The following VEPH1 variants were observed in gnomAD, a reference collection of about 807,000 sequenced individuals.
VEPH1 encodes the protein ventricular zone-expressed PH domain-containing protein homolog 1.
Under a neutral mutation model 85.2 loss-of-function variants are expected in VEPH1, and 80 were observed. The observed-to-expected ratio is 0.94, with a 90% CI of 0.78 to 1.13. The LOEUF (loss-of-function observed/expected upper bound fraction) is 1.13. Ranked by LOEUF, VEPH1 falls within the 50% of genes most tolerant of loss-of-function variation. The pLI is 0.00. For synonymous variants in VEPH1, 297 were observed against 348.0 expected (o/e 0.85, Z 1.63); for missense variants, 955 against 980.5 (o/e 0.97, Z 0.35).
chr3:157,478,993 A>G (rs1737758045), intron 2 of VEPH1, among the ~76,000 whole-genome samples: 1 of 152,188 alleles, frequency 6.6e-6, no homozygotes, highest in South Asian at 2.1e-4. Context: ...ACCTGAATAA[A>G]CAGTTAACTG....
chr3:157,381,582 A>G, intron 6 of VEPH1: 2 of 562,244 alleles, frequency 3.6e-6, no homozygotes, highest in Non-Finnish European at 6.3e-6. Flanking sequence ...AGCCGGGCAC[A>G]GTGGCACATG....
chr3:157,454,667 A>G (rs1735222249), intron 4 of VEPH1, among the ~76,000 whole-genome samples: 1 of 152,100 alleles, frequency 6.6e-6, no homozygotes, highest in Non-Finnish European at 1.5e-5. Flanking sequence ...GCTATATTGC[A>G]TGATGCTGAG....
Position 157,304,014 on chromosome 3 carries a change from T to A in VEPH1, c.2010+9607A>T, listed in dbSNP as rs374740407. 1.2e-3 allele frequency among the ~76,000 whole-genome samples: 140 copies of A among 116,516 alleles called. 1 individual carries two copies. Among genetic ancestry groups the A allele is most frequent in the South Asian group, 3.4e-3 (11 of 3,204 alleles). The allele number at this position is 116,516 out of a possible 152,430, so 76.4% of individuals were successfully genotyped here. On this transcript the variant is annotated intron_variant, in intron 11 of 13. Coordinates refer to ENST00000362010, the MANE Select transcript of VEPH1 (RefSeq NM_001167912.2). Reference sequence around the variant, plus strand: ...CACATGTAGACTTAAATTTCTCATCTTATATTTTTTATATATATATATATA... The same window carrying A: ...CACATGTAGACTTAAATTTCTCATCATATATTTTTTATATATATATATATA...
At chr3:157,438,301 C>A (rs1733835298) in intron 4 of VEPH1, among the ~76,000 whole-genome samples, 1 of 152,084 alleles carries the variant, frequency 6.6e-6, no homozygotes, top group African/African-American at 2.4e-5. Flanking sequence ...CAGCTTCCCT[C>A]CGTTAGGGAT....
chr3:157,302,401 C>T (rs1256205953), intron 11 of VEPH1, among the ~76,000 whole-genome samples: 1 of 152,180 alleles, frequency 6.6e-6, no homozygotes, highest in East Asian at 1.9e-4. Context: ...AATCCTATCC[C>T]CCAAGGTGAT....
chr3:157,487,939 A>G (rs1380583061), intron 2 of VEPH1, among the ~76,000 whole-genome samples: 2 of 152,158 alleles, frequency 1.3e-5, no homozygotes, highest in Non-Finnish European at 2.9e-5. Context: ...TTATGCTTAC[A>G]CTGAAAAGTC....
chr3:157,278,589 G>A (rs137886993), intron 12 of VEPH1, among the ~76,000 whole-genome samples: 5 of 152,338 alleles, frequency 3.3e-5, no homozygotes, highest in Admixed American at 6.5e-5. Flanking sequence ...TGGCTGCATC[G>A]TGGGAGGGAG....
At chr3:157,470,151 C>T (rs1736782948) in intron 3 of VEPH1, among the ~76,000 whole-genome samples, 163 bp downstream of exon 3, 1 of 152,188 alleles carries the variant, frequency 6.6e-6, no homozygotes, top group South Asian at 2.1e-4. Flanking sequence ...ACAGAACTTT[C>T]TCAGTTTATT....
chr3:157,397,692 G>A (rs1230996134), intron 6 of VEPH1, among the ~76,000 whole-genome samples: 1 of 152,084 alleles, frequency 6.6e-6, no homozygotes, highest in Non-Finnish European at 1.5e-5. Flanking sequence ...ATTGTGAATG[G>A]GACTTCATTC....
chr3:157,481,836 T>C (rs1738125362), intron 2 of VEPH1, among the ~76,000 whole-genome samples: 1 of 152,270 alleles, frequency 6.6e-6, no homozygotes, highest in South Asian at 2.1e-4. Flanking sequence ...TAGTCATTTA[T>C]TGAATAGGGT....
chr3:157,375,869 CA>C (rs199950189), intron 7 of VEPH1, among the ~76,000 whole-genome samples: 6 of 151,792 alleles, frequency 4.0e-5, no homozygotes, highest in African/African-American at 7.3e-5. Flanking sequence ...ACCAAAACAA[CA>C]AAAAAAACGC....
At chr3:157,311,625 G>A (rs1477575530) in intron 11 of VEPH1, among the ~76,000 whole-genome samples, 1 of 152,072 alleles carries the variant, frequency 6.6e-6, no homozygotes, top group Non-Finnish European at 1.5e-5. Context: ...TTTTCCCTTA[G>A]AGAAATGTTT....
intron 6 of VEPH1, among the ~76,000 whole-genome samples, chr3:157,386,991 CAAAT>C (rs994901874): frequency 6.6e-6 from 1 of 152,138 alleles, no homozygotes; most frequent in African/African-American, 2.4e-5. Context: ...GATCAGGAGT[CAAAT>C]AAATATTTTC....
At chr3:157,414,135 G>C (rs770087874) in intron 5 of VEPH1, 45 bp from the exon 6 acceptor site, 18 of 1,448,312 alleles carry the variant, frequency 1.2e-5, no homozygotes, top group Non-Finnish European at 1.7e-5. Context: ...AAGGAAGAAA[G>C]AGAAAAGTTA....
rs527703821 is a variant in VEPH1, at chr3:157,463,277, C to A, written c.355-2922G>T. Reference sequence around the variant, plus strand: ...CTCAGGGGTCAATCTGACCACTGGGCAGAGAAAATAGGTACTCCATAACCT... The same window carrying A: ...CTCAGGGGTCAATCTGACCACTGGGAAGAGAAAATAGGTACTCCATAACCT... On this transcript the variant is annotated intron_variant, in intron 3 of 13. Coordinates refer to ENST00000362010, the MANE Select transcript of VEPH1 (RefSeq NM_001167912.2). Among the ~76,000 whole-genome samples the A allele has an allele frequency of 2.0e-5, 3 of 152,278 alleles. No homozygotes were observed. The South Asian group carries it at 6.2e-4, about 32-fold the overall frequency.
At chr3:157,414,420 C>G (rs986032538) in intron 5 of VEPH1, among the ~76,000 whole-genome samples, 2 of 152,102 alleles carry the variant, frequency 1.3e-5, no homozygotes, top group African/African-American at 4.8e-5. Flanking sequence ...TTTCCTCCAA[C>G]CACCATGAAA....
At chr3:157,460,494 T>G (rs1415871790) in intron 3 of VEPH1, 139 bp from the exon 4 acceptor site, 2 of 1,158,160 alleles carry the variant, frequency 1.7e-6, no homozygotes, top group African/African-American at 1.6e-5. Flanking sequence ...CTGTTTATAT[T>G]GTATTTGGGA....
chr3:157,266,515 T>C (rs945317207), intron 12 of VEPH1, among the ~76,000 whole-genome samples: 1 of 152,216 alleles, frequency 6.6e-6, no homozygotes, highest in Admixed American at 6.5e-5. Flanking sequence ...AATATCTTTC[T>C]GTCTCATTCA....
intron 8 of VEPH1, 121 bp downstream of exon 8, chr3:157,364,182 G>C: frequency 5.7e-6 from 4 of 705,276 alleles, no homozygotes; most frequent in Non-Finnish European, 9.3e-6. Context: ...TTCATGTAAG[G>C]ATGGCACTTT....
Sources: gnomAD v4.1 joint callset for allele counts (sites outside exome capture counted in the v4.1 genomes callset) on GRCh38, gnomAD v4.1.1 for gene constraint, MANE v1.5 for transcripts, NCBI Gene and HGNC (gene_info 2026-07-23, HGNC 2026-07-21) for gene names.